ENOX1: variants seen among roughly 807,000 people sequenced by gnomAD.
The protein encoded by ENOX1 is ecto-NOX disulfide-thiol exchanger 1.
A neutral mutation model predicts 82.5 loss-of-function variants in ENOX1; 42 were observed. That is an observed-to-expected ratio of 0.51 (90% CI 0.40 to 0.66). The LOEUF is 0.66. ENOX1 is among the 30% of genes least tolerant of loss of function. The pLI is 0.00. For missense variants in ENOX1, 608 were observed against 811.6 expected (o/e 0.75, Z 3.05); for synonymous variants, 271 against 282.2 (o/e 0.96, Z 0.40).
intron 2 of ENOX1, among the ~76,000 whole-genome samples, chr13:43,613,724 G>C (rs2082291375): frequency 1.3e-5 from 2 of 152,010 alleles, no homozygotes; most frequent in Admixed American, 1.3e-4. Flanking sequence ...ACCATAAATA[G>C]AAGGTCTTAA....
At chr13:43,757,322 C>G (rs1950710111) in intron 1 of ENOX1, among the ~76,000 whole-genome samples, 3 of 152,170 alleles carry the variant, frequency 2.0e-5, no homozygotes, top group South Asian at 2.1e-4. Flanking sequence ...GCTTTGAAAA[C>G]AGGATACAGG....
chr13:43,527,267 A>T (rs965929322), intron 2 of ENOX1, among the ~76,000 whole-genome samples: 2 of 152,144 alleles, frequency 1.3e-5, no homozygotes, highest in Admixed American at 1.3e-4. Flanking sequence ...TTAATAATTT[A>T]AAAACCATTA....
At chr13:43,762,844 T>G (rs1472916656) in intron 1 of ENOX1, among the ~76,000 whole-genome samples, 3 of 152,228 alleles carry the variant, frequency 2.0e-5, no homozygotes, top group Non-Finnish European at 2.9e-5. Context: ...TTATGGGAAA[T>G]TTCTATATTT....
chr13:43,411,217 A>G (rs1476569269), intron 5 of ENOX1, among the ~76,000 whole-genome samples: 5 of 152,126 alleles, frequency 3.3e-5, no homozygotes, highest in African/African-American at 1.2e-4. Flanking sequence ...ATTTAGAGAG[A>G]AAGGCTCTTC....
intron 1 of ENOX1, among the ~76,000 whole-genome samples, chr13:43,685,388 A>G (rs1204117973): frequency 6.6e-6 from 1 of 152,114 alleles, no homozygotes; most frequent in Non-Finnish European, 1.5e-5. Context: ...TAAGGAGTTG[A>G]GTATGGCATT....
chr13:43,479,451 G>A (rs988877745), intron 3 of ENOX1, among the ~76,000 whole-genome samples: 11 of 152,082 alleles, frequency 7.2e-5, no homozygotes, highest in Non-Finnish European at 1.5e-5. Flanking sequence ...CACTTCTCCT[G>A]AGGTCCAAGC....
intron 12 of ENOX1, among the ~76,000 whole-genome samples, chr13:43,271,817 C>A (rs2044702129): frequency 6.6e-6 from 1 of 152,018 alleles, no homozygotes; most frequent in African/African-American, 2.4e-5. Flanking sequence ...GCTTCCTTTT[C>A]TTCTTATGTG....
chr13:43,245,742 G>C (rs1417990796), intron 14 of ENOX1, among the ~76,000 whole-genome samples: 1 of 152,206 alleles, frequency 6.6e-6, no homozygotes, highest in African/African-American at 2.4e-5. Context: ...AGGCCCAATA[G>C]TTTTCAGCAT....
At chr13:43,620,754 T>A (rs2082690137) in intron 2 of ENOX1, among the ~76,000 whole-genome samples, 1 of 152,332 alleles carries the variant, frequency 6.6e-6, no homozygotes, top group South Asian at 2.1e-4. Context: ...TATATATCTG[T>A]TAAGTCCATT....
At chr13:43,678,871 C>A (rs191823208) in intron 1 of ENOX1, among the ~76,000 whole-genome samples, 68 of 152,232 alleles carry the variant, frequency 4.5e-4, no homozygotes, top group Non-Finnish European at 9.3e-4. Flanking sequence ...GTATATAAAA[C>A]CCTGTTGTAA....
intron 2 of ENOX1, among the ~76,000 whole-genome samples, chr13:43,567,918 T>G (rs1043155702): frequency 1.2e-4 from 19 of 152,202 alleles, no homozygotes; most frequent in African/African-American, 3.4e-4. Flanking sequence ...ATATTTAGAT[T>G]TGTGAATTCT....
chr13:43,533,136 G>A (rs905033833), intron 2 of ENOX1, among the ~76,000 whole-genome samples: 1 of 152,004 alleles, frequency 6.6e-6, no homozygotes, highest in Non-Finnish European at 1.5e-5. Flanking sequence ...GGACTACTAC[G>A]TAAATCCTAA....
At chr13:43,339,182 A>G (rs991362443) in intron 9 of ENOX1, among the ~76,000 whole-genome samples, 3 of 152,242 alleles carry the variant, frequency 2.0e-5, no homozygotes, top group African/African-American at 7.2e-5. Context: ...AGACCTTTGA[A>G]TAAATCACAA....
intron 2 of ENOX1, among the ~76,000 whole-genome samples, chr13:43,492,907 A>C (rs1452567647): frequency 6.6e-6 from 1 of 152,250 alleles, no homozygotes; most frequent in Non-Finnish European, 1.5e-5. Flanking sequence ...GTAGACACTG[A>C]GTAAAGCAGA....
At chr13:43,620,483 A>G (rs555710633) in intron 2 of ENOX1, among the ~76,000 whole-genome samples, 5 of 152,162 alleles carry the variant, frequency 3.3e-5, no homozygotes, top group African/African-American at 1.2e-4. Context: ...TTAAATTTCC[A>G]TCTTGATTTT....
At chr13:43,704,162 G>A (rs959725584) in intron 1 of ENOX1, among the ~76,000 whole-genome samples, 1 of 151,822 alleles carries the variant, frequency 6.6e-6, no homozygotes, top group African/African-American at 2.4e-5. Flanking sequence ...AATGTGATGT[G>A]TACAAAGGAA....
At chr13:43,261,340 C>G (rs1290264516) in intron 14 of ENOX1, among the ~76,000 whole-genome samples, 2 of 152,152 alleles carry the variant, frequency 1.3e-5, no homozygotes, top group African/African-American at 4.8e-5. Flanking sequence ...GCAGCTGCAC[C>G]AACATTCTGA....
chr13:43,653,174 C>T (rs2084274410), intron 2 of ENOX1, among the ~76,000 whole-genome samples: 1 of 152,204 alleles, frequency 6.6e-6, no homozygotes, highest in Admixed American at 6.5e-5. Flanking sequence ...TGAAAAGACT[C>T]ACCCCCAAGT....
At chr13:43,407,175 C>T (rs1032958047) in intron 5 of ENOX1, among the ~76,000 whole-genome samples, 3 of 152,146 alleles carry the variant, frequency 2.0e-5, no homozygotes, top group African/African-American at 7.2e-5. Context: ...ACTTGTGACA[C>T]CAGAGGTGGG....
Sources: allele counts gnomAD v4.1 joint callset (sites outside exome capture counted in the v4.1 genomes callset), GRCh38; gene constraint gnomAD v4.1.1; transcripts MANE v1.5; gene names NCBI Gene and HGNC (gene_info 2026-07-23, HGNC 2026-07-21).